The following RAB3C variants were observed in gnomAD, a reference collection of about 807,000 sequenced individuals.
The protein encoded by RAB3C is RAB3C, member RAS oncogene family, also known as ras-related protein Rab-3C.
RAB3C carries 17 observed loss-of-function variants against 26.4 expected under a neutral mutation model. The ratio of observed to expected loss-of-function variants is 0.64; its 90% CI spans 0.44 to 0.97. RAB3C has a LOEUF of 0.97. Among genes scored for constraint, RAB3C ranks in the 50% least tolerant of loss-of-function variants. RAB3C has a pLI of 0.00. For synonymous variants in RAB3C, 91 were observed against 95.9 expected (o/e 0.95, Z 0.30); for missense variants, 242 against 281.9 (o/e 0.86, Z 1.01).
At chr5:58,772,436 CTG>C (rs1159995130) in intron 3 of RAB3C, among the ~76,000 whole-genome samples, 6 of 152,120 alleles carry the variant, frequency 3.9e-5, no homozygotes, top group Non-Finnish European at 8.8e-5. Flanking sequence ...TGGAAATAGT[CTG>C]TGTGTTAAGA....
chr5:58,778,055 A>C (rs905766070), intron 3 of RAB3C, among the ~76,000 whole-genome samples: 5 of 152,134 alleles, frequency 3.3e-5, no homozygotes, highest in African/African-American at 1.2e-4. Flanking sequence ...TTTGATGAAT[A>C]CATGTATCAC....
chr5:58,658,798 C>T (rs1422396778), intron 2 of RAB3C, among the ~76,000 whole-genome samples: 2 of 152,020 alleles, frequency 1.3e-5, no homozygotes, highest in African/African-American at 4.8e-5. Context: ...GGTTACTGAG[C>T]CAAGTGTATT....
chr5:58,610,335 G>C (rs1746672607), intron 1 of RAB3C, among the ~76,000 whole-genome samples: 1 of 151,920 alleles, frequency 6.6e-6, no homozygotes, highest in African/African-American at 2.4e-5. Flanking sequence ...CAGAGAGGCT[G>C]TGCCATTTTA....
intron 2 of RAB3C, among the ~76,000 whole-genome samples, chr5:58,637,938 C>A (rs1747323465): frequency 6.6e-6 from 1 of 152,000 alleles, no homozygotes. Context: ...ACATTGAAAT[C>A]CTGGTTATAA....
At chr5:58,700,191 T>C (rs1048326663) in intron 2 of RAB3C, among the ~76,000 whole-genome samples, 1 of 152,224 alleles carries the variant, frequency 6.6e-6, no homozygotes, top group African/African-American at 2.4e-5. Flanking sequence ...TGACACGTGG[T>C]AGTAAGTGCT....
At chr5:58,698,347 T>C (rs1748764330) in intron 2 of RAB3C, among the ~76,000 whole-genome samples, 1 of 152,208 alleles carries the variant, frequency 6.6e-6, no homozygotes, top group South Asian at 2.1e-4. Context: ...TCTCTCTGGC[T>C]GCACTTAACA....
rs1289870360 is a variant in RAB3C, at chr5:58,845,612, A to ATGTGTGTGTGTGTGTG, written c.497-5548_497-5533dup. Among the ~76,000 whole-genome samples the ATGTGTGTGTGTGTGTG allele has an allele frequency of 5.5e-4, 45 of 81,690 alleles. 2 individuals are homozygous for ATGTGTGTGTGTGTGTG. Among genetic ancestry groups the ATGTGTGTGTGTGTGTG allele is most frequent in the African/African-American group, 2.3e-3 (39 of 17,194 alleles). 53.6% of individuals were successfully genotyped at this position (81,690 alleles called of 152,430 possible). A position where few individuals can be genotyped will look rare whatever the true frequency, so the allele number is the denominator to read the frequency against. The stretch of plus-strand genomic sequence containing the variant: ...ATTCTTACTATATATATATATATAT[A>ATGTGTGTGTGTGTGTG]TGTGTGTGTGTGTGTGTGTATATGT... On this transcript the variant is annotated intron_variant, in intron 4 of 4. Coordinates refer to ENST00000282878, the MANE Select transcript of RAB3C (RefSeq NM_138453.4).
At chr5:58,680,607 G>A (rs1442813479) in intron 2 of RAB3C, among the ~76,000 whole-genome samples, 8 of 152,206 alleles carry the variant, frequency 5.3e-5, no homozygotes, top group Non-Finnish European at 1.2e-4. Context: ...AAGTCAGGGT[G>A]TTGGCAGGGC....
At chr5:58,803,956 A>G (rs2112030430) in intron 3 of RAB3C, among the ~76,000 whole-genome samples, 1 of 151,940 alleles carries the variant, frequency 6.6e-6, no homozygotes, top group East Asian at 1.9e-4. Context: ...GCTACTCGGG[A>G]GGCTGAGGCA....
chr5:58,829,510 G>A (rs188421011), intron 4 of RAB3C, among the ~76,000 whole-genome samples: 2 of 152,016 alleles, frequency 1.3e-5, no homozygotes, highest in Non-Finnish European at 2.9e-5. Context: ...TTATAAGCTC[G>A]GAAAGGGCAG....
At chr5:58,808,118 G>A (rs1035459404) in intron 3 of RAB3C, among the ~76,000 whole-genome samples, 4 of 151,418 alleles carry the variant, frequency 2.6e-5, no homozygotes, top group South Asian at 2.1e-4. Context: ...CCAGTTACTC[G>A]AGAGGCTGAG....
At chr5:58,624,121 T>C in intron 2 of RAB3C, among the ~76,000 whole-genome samples, 1 of 150,280 alleles carries the variant, frequency 6.7e-6, no homozygotes, top group African/African-American at 2.5e-5. Context: ...CCAATACTTG[T>C]TGGTGCCTAC....
At chr5:58,721,107 T>C (rs1740742833) in intron 2 of RAB3C, among the ~76,000 whole-genome samples, 1 of 151,874 alleles carries the variant, frequency 6.6e-6, no homozygotes, top group African/African-American at 2.4e-5. Flanking sequence ...CTTATCAAGC[T>C]GTGAATGTTT....
chr5:58,770,389 C>G (rs1019310382), intron 3 of RAB3C, among the ~76,000 whole-genome samples: 2 of 152,138 alleles, frequency 1.3e-5, no homozygotes, highest in African/African-American at 4.8e-5. Context: ...AGGCTTGATG[C>G]AAGCCTGAGT....
At chr5:58,662,709 C>T (rs1747928925) in intron 2 of RAB3C, among the ~76,000 whole-genome samples, 1 of 150,008 alleles carries the variant, frequency 6.7e-6, no homozygotes, top group Non-Finnish European at 1.5e-5. Context: ...CCACAAGATA[C>T]CATTTACATG....
intron 2 of RAB3C, among the ~76,000 whole-genome samples, chr5:58,641,799 G>A (rs556946757): frequency 1.3e-5 from 2 of 152,288 alleles, no homozygotes; most frequent in African/African-American, 2.4e-5. Flanking sequence ...CACCTAAGCC[G>A]CTGTCTCCAA....
At chr5:58,752,467 T>C (rs1196091581) in intron 3 of RAB3C, among the ~76,000 whole-genome samples, 2 of 131,456 alleles carry the variant, frequency 1.5e-5, no homozygotes, top group East Asian at 4.7e-4. Context: ...ATTGAGTCAA[T>C]GACAGAAAAA....
At position 58,693,334 on chromosome 5, in the gene RAB3C, G is replaced by GTATATATA. The variant is rs1478527340; in HGVS notation, c.253-32667_253-32666insATATATAT. Among the ~76,000 whole-genome samples the GTATATATA allele has an allele frequency of 4.2e-3, 353 of 83,810 alleles. 14 individuals carry two copies. The highest frequency in any genetic ancestry group is 0.015 in the African/African-American group (327 of 21,488). The allele number at this position is 83,810 out of a possible 152,430, so 55.0% of individuals were successfully genotyped here. On this transcript the variant is annotated intron_variant, in intron 2 of 4. Transcript: ENST00000282878. ...TAAAATTAAGAAATTATATATATAT[G>GTATATATA]TGTATATATATATATATATATATAT... is the stretch of plus-strand genomic sequence containing the variant.
chr5:58,686,408 G>A lies in RAB3C; in HGVS notation c.253-39594G>A, dbSNP rs1044130393. 5.3e-5 allele frequency among the ~76,000 whole-genome samples: 8 copies of A among 152,078 alleles called. No individual in the cohort carries two copies. In the South Asian group the frequency reaches 1.2e-3, roughly 24 times the overall value. ...GACTTAGGCCATTGAAAATTTATGAGCTAAGTCCCTGAATAGACTTGCTAA... is the reference window on the plus strand; with the variant it reads ...GACTTAGGCCATTGAAAATTTATGAACTAAGTCCCTGAATAGACTTGCTAA... On this transcript the variant is annotated intron_variant, in intron 2 of 4. Transcript: ENST00000282878.
Sources: allele counts gnomAD v4.1 joint callset (sites outside exome capture counted in the v4.1 genomes callset), GRCh38; gene constraint gnomAD v4.1.1; transcripts MANE v1.5; gene names NCBI Gene and HGNC (gene_info 2026-07-23, HGNC 2026-07-21).